The following LEPR variants were observed in gnomAD, a reference collection of about 807,000 sequenced individuals.
LEPR encodes the protein OB receptor.
Under a neutral mutation model 114.7 loss-of-function variants are expected in LEPR, and 56 were observed. That is an observed-to-expected ratio of 0.49 (90% CI 0.39 to 0.61). LEPR has a LOEUF of 0.61. Among genes scored for constraint, LEPR ranks in the 20% least tolerant of loss-of-function variants. The pLI is 0.00. For missense variants in LEPR, 1,202 were observed against 1,352.9 expected (o/e 0.89, Z 1.75); for synonymous variants, 443 against 461.4 (o/e 0.96, Z 0.51).
At chr1:65,525,976 GCCAGCGC>G in intron 2 of LEPR, 2 of 767,718 alleles carry the variant, frequency 2.6e-6, no homozygotes, top group Non-Finnish European at 3.2e-6. Context: ...CACCAGAGGG[GCCAGCGC>G]CCGGCGGGCG....
intron 5 of LEPR, among the ~76,000 whole-genome samples, chr1:65,581,616 T>C (rs1387129077): frequency 6.6e-6 from 1 of 152,176 alleles, no homozygotes; most frequent in Non-Finnish European, 1.5e-5. Flanking sequence ...TAGAGATCTT[T>C]TCTCTGTCTT....
intron 2 of LEPR, among the ~76,000 whole-genome samples, chr1:65,488,269 TTCCTCTTTCTTTCCCTCCCTCTCTCTCTC>T (rs1647676049): frequency 7.0e-6 from 1 of 142,672 alleles, no homozygotes; most frequent in African/African-American, 2.7e-5. Context: ...TTCTTTCTCT[TTCCTCTTTCTTTCCCTCCCTCTCTCTCTC>T]TCTCTTTCTC....
At chr1:65,548,837 T>C (rs1195141920) in intron 2 of LEPR, among the ~76,000 whole-genome samples, 5 of 152,332 alleles carry the variant, frequency 3.3e-5, no homozygotes, top group South Asian at 4.1e-4. Flanking sequence ...ATGTGTGAAT[T>C]TGGTCCTGTC....
chr1:65,608,924 G>C (rs766965927), intron 12 of LEPR, 23 bp downstream of exon 12: 9 of 1,612,826 alleles, frequency 5.6e-6, no homozygotes, highest in Non-Finnish European at 7.6e-6. Flanking sequence ...TAGAACTTCA[G>C]CTTTCCTCAT....
intron 2 of LEPR, among the ~76,000 whole-genome samples, chr1:65,564,974 G>T (rs1190644108): frequency 6.6e-6 from 1 of 152,152 alleles, no homozygotes; most frequent in African/African-American, 2.4e-5. Context: ...TAAGCCACCA[G>T]ACTTTTAATT....
chr1:65,623,730 G>T (rs1042642400), intron 19 of LEPR, among the ~76,000 whole-genome samples: 29 of 152,102 alleles, frequency 1.9e-4, no homozygotes, highest in African/African-American at 6.5e-4. Flanking sequence ...TTAGTCACTT[G>T]TTAAAAGTTT....
intron 2 of LEPR, among the ~76,000 whole-genome samples, chr1:65,536,665 G>C (rs993135632): frequency 6.6e-6 from 1 of 151,834 alleles, no homozygotes; most frequent in Non-Finnish European, 1.5e-5. Context: ...TTTCGGTTAA[G>C]GGATTCTTAT....
rs1229576080 is a variant in LEPR at position 65,621,411 on chromosome 1, T to C, written c.2550T>C (p.Ile850=). The C allele has an allele frequency of 2.5e-6, 4 of 1,613,278 alleles. No individual in the cohort carries two copies. The highest frequency in any genetic ancestry group is 3.4e-6 in the Non-Finnish European group (4 of 1,179,626). ...AGLYVIVPVI[I]SSSILLLGTL... ...TATATGTAATTGTGCCAGTAATTAT[T>C]TCCTCTTCCATCTTATTGCTTGGAA... The change falls in exon 18 of 20, where the codon ATT becomes ATC. Residue 850 remains isoleucine, a synonymous_variant. Transcript: ENST00000349533.
intron 8 of LEPR, among the ~76,000 whole-genome samples, chr1:65,601,104 G>T (rs1363693005): frequency 1.3e-5 from 2 of 151,854 alleles, no homozygotes; most frequent in African/African-American, 4.8e-5. Flanking sequence ...CTATCAGTTA[G>T]CAAGTGACAA....
intron 2 of LEPR, among the ~76,000 whole-genome samples, chr1:65,551,146 A>T (rs537732645): frequency 6.6e-6 from 1 of 152,036 alleles, no homozygotes; most frequent in Non-Finnish European, 1.5e-5. Flanking sequence ...CTTTGCACCA[A>T]TGTTCATCAG....
At chr1:65,517,761 C>T (rs1649364678) in intron 2 of LEPR, among the ~76,000 whole-genome samples, 1 of 152,184 alleles carries the variant, frequency 6.6e-6, no homozygotes, top group East Asian at 1.9e-4. Context: ...AATTTAGCCT[C>T]TATTTAAAAA....
intron 7 of LEPR, among the ~76,000 whole-genome samples, chr1:65,598,274 G>T (rs1656213074): frequency 6.6e-6 from 1 of 151,522 alleles, no homozygotes; most frequent in Non-Finnish European, 1.5e-5. Flanking sequence ...TTCTGTACAG[G>T]GACACTTGTA....
intron 17 of LEPR, among the ~76,000 whole-genome samples, chr1:65,620,532 A>G (rs751940311): frequency 6.6e-6 from 1 of 152,200 alleles, no homozygotes; most frequent in Non-Finnish European, 1.5e-5. Context: ...ATAATGTCAG[A>G]TAGAAATAAG....
chr1:65,525,273 T>TG (rs1051127618), intron 2 of LEPR, among the ~76,000 whole-genome samples: 2 of 80,666 alleles, frequency 2.5e-5, no homozygotes, highest in Admixed American at 1.6e-4. Flanking sequence ...TCTGGAAGTC[T>TG]GGGGGTGGGA....
intron 2 of LEPR, among the ~76,000 whole-genome samples, chr1:65,537,865 C>T (rs1054264126): frequency 6.6e-6 from 1 of 152,164 alleles, no homozygotes; most frequent in Admixed American, 6.5e-5. Context: ...ATGTTGTTTA[C>T]TGCAGAATCA....
intron 2 of LEPR, among the ~76,000 whole-genome samples, chr1:65,456,404 C>T (rs1450805802): frequency 1.3e-5 from 2 of 152,122 alleles, no homozygotes; most frequent in African/African-American, 4.8e-5. Flanking sequence ...CCATTTCTGA[C>T]AGAGGAGTAT....
At chr1:65,514,612 A>G (rs1397049145) in intron 2 of LEPR, among the ~76,000 whole-genome samples, 2 of 152,228 alleles carry the variant, frequency 1.3e-5, no homozygotes, top group African/African-American at 4.8e-5. Flanking sequence ...TATATATTTT[A>G]AAATCCATTT....
At chr1:65,428,488 C>T (rs1005224968) in intron 2 of LEPR, among the ~76,000 whole-genome samples, 1 of 152,186 alleles carries the variant, frequency 6.6e-6, no homozygotes, top group Non-Finnish European at 1.5e-5. Flanking sequence ...TTGAAACATA[C>T]TATCATCCCT....
intron 5 of LEPR, among the ~76,000 whole-genome samples, chr1:65,574,391 G>A (rs1006159169): frequency 1.4e-5 from 2 of 146,116 alleles, no homozygotes; most frequent in African/African-American, 4.9e-5. Context: ...AAAACTTAAA[G>A]TATAATAATA....
Sources: gnomAD v4.1 joint callset for allele counts (sites outside exome capture counted in the v4.1 genomes callset) on GRCh38, gnomAD v4.1.1 for gene constraint, MANE v1.5 for transcripts, NCBI Gene and HGNC (gene_info 2026-07-23, HGNC 2026-07-21) for gene names.